Variants in UTP20 observed in about 807,000 individuals in gnomAD.
UTP20 encodes the protein small subunit processome component 20 homolog.
In UTP20, 164 loss-of-function variants were observed where a neutral mutation model predicts 329.5. The observed-to-expected ratio is 0.50, with a 90% CI of 0.44 to 0.57. The LOEUF is 0.57. Among genes scored for constraint, UTP20 ranks in the 20% least tolerant of loss-of-function variants. UTP20 has a pLI of 0.00. For missense variants in UTP20, 3,055 were observed against 3,284.2 expected (o/e 0.93, Z 1.71); for synonymous variants, 1,151 against 1,159.3 (o/e 0.99, Z 0.14).
intron 22 of UTP20, among the ~76,000 whole-genome samples, chr12:101,319,015 C>T (rs1393968806): frequency 2.0e-5 from 3 of 152,144 alleles, no homozygotes; most frequent in Non-Finnish European, 2.9e-5. Context: ...TCCATGGTTT[C>T]ACTTCCCACG....
In UTP20 at chr12:101,327,157, A is replaced by G. The variant is rs539567687; in HGVS notation, c.3118A>G (p.Ile1040Val). 46 of 1,613,290 alleles carry G rather than the reference A, an allele frequency of 2.9e-5. No homozygotes were observed. Among genetic ancestry groups the G allele is most frequent in the Non-Finnish European group, 3.6e-5 (43 of 1,179,254 alleles). The change falls in exon 26 of 62, where the codon ATT (isoleucine) becomes GTT (valine). Residue 1040 changes from isoleucine to valine, a missense_variant. Around this residue, in one of 3 missense-constraint regions of UTP20, gnomAD observed 2,445 missense variants for 2,575.5 expected, o/e 0.95. Coordinates refer to ENST00000261637, the MANE Select transcript of UTP20 (RefSeq NM_014503.3). ...ATCTGCTTCAGGCACCCGCATGGCC[A>G]TTGTCCTGCGGTTCCTGGCCGGGAC... ...GKSASGTRMA[I>V]VLRFLAGTQP...
rs1452543567 is a variant in UTP20 at position 101,374,183 on chromosome 12, C to G, written c.7131+416C>G. The stretch of plus-strand genomic sequence containing the variant: ...CCGGGAGGCGGAGCTTGCAGTGAGC[C>G]GAGGTCCCGCCACTGCACTCCAGCC... On this transcript the variant is annotated intron_variant, in intron 54 of 61. Coordinates refer to ENST00000261637, the MANE Select transcript of UTP20 (RefSeq NM_014503.3). 7.3e-5 allele frequency among the ~76,000 whole-genome samples: 11 copies of G among 149,820 alleles called. No individual in the cohort carries two copies. In the South Asian group the frequency reaches 2.3e-3, roughly 32 times the overall value.
At chr12:101,286,002 T>C (rs1370196369) in intron 4 of UTP20, 121 bp downstream of exon 4, 2 of 1,402,734 alleles carry the variant, frequency 1.4e-6, no homozygotes, top group Middle Eastern at 1.9e-4. Context: ...AGGAGGATTT[T>C]CCTTTTCTGT....
chr12:101,281,830 G>A (rs186494807), intron 2 of UTP20, among the ~76,000 whole-genome samples: 190 of 152,032 alleles, frequency 1.2e-3, no homozygotes, highest in African/African-American at 4.2e-3. Context: ...TCAGCCTCCC[G>A]AGTAGCTGGG....
intron 38 of UTP20, 62 bp from the exon 39 acceptor site, chr12:101,351,993 T>C: frequency 6.3e-7 from 1 of 1,583,904 alleles, no homozygotes; most frequent in Non-Finnish European, 8.6e-7. Flanking sequence ...ATATACTGAG[T>C]TAGCCTTGCA....
In UTP20 at chr12:101,346,452, T is replaced by C. The variant is rs765373209; in HGVS notation, c.4748T>C (p.Ile1583Thr). 4.3e-5 allele frequency: 68 copies of C among 1,594,964 alleles called. No homozygotes were observed. Among genetic ancestry groups the C allele is most frequent in the Non-Finnish European group, 5.6e-5 (66 of 1,173,950 alleles). The change falls in exon 38 of 62, where the codon ATC becomes ACC. Residue 1583 changes from isoleucine to threonine, a missense_variant and splice_region_variant. Ile to Thr is a moderately conservative substitution (Grantham distance 89). This residue lies in a region of UTP20 where 2,445 missense variants were observed against 2,575.5 expected (regional missense o/e 0.95). Coordinates refer to ENST00000261637, the MANE Select transcript of UTP20 (RefSeq NM_014503.3). ...ATTCATATTTTATCTTACCCATAGATCCACAGAAGAGCAAGAGCCTTGAAG... is the reference window on the plus strand; with the variant it reads ...ATTCATATTTTATCTTACCCATAGACCCACAGAAGAGCAAGAGCCTTGAAG... ...DFFENMKHIQIHRRARALKKL... is the reference protein window; with the variant it reads ...DFFENMKHIQTHRRARALKKL...
rs1275538070 is a variant in UTP20, at chr12:101,357,000, C to T, written c.5609C>T (p.Ala1870Val). The T allele has an allele frequency of 7.4e-6, 12 of 1,613,962 alleles. No individual in the cohort carries two copies. The highest frequency in any genetic ancestry group is 6.7e-5 in the East Asian group (3 of 44,864). The part of the protein sequence containing the change: ...EIRDIARSTL[A>V]KIIEDLGVHF... ...AGAGACATTGCACGCAGCACTCTTG[C>T]GAAAATAATAGAGGATCTTGGTGTG... The change falls in exon 43 of 62, where the codon GCG becomes GTG. Residue 1870 changes from alanine (A) to valine (V), a missense_variant. Around this residue, in one of 3 missense-constraint regions of UTP20, gnomAD observed 2,445 missense variants for 2,575.5 expected, o/e 0.95. Transcript: ENST00000261637.
intron 1 of UTP20, among the ~76,000 whole-genome samples, chr12:101,280,813 T>C (rs191341121): frequency 6.6e-6 from 1 of 152,278 alleles, no homozygotes; most frequent in East Asian, 1.9e-4. Flanking sequence ...TCCCCATGCT[T>C]ATGGGAGGGT....
intron 14 of UTP20, 49 bp downstream of exon 14, chr12:101,300,110 C>G (rs751957164): frequency 6.5e-7 from 1 of 1,543,304 alleles, no homozygotes; most frequent in Admixed American, 1.7e-5. Flanking sequence ...CTGGCACACT[C>G]AAAGTAATTG....
In UTP20 at chr12:101,357,001, G is replaced by A. The variant is rs145450532; in HGVS notation, c.5610G>A (p.Ala1870=). ...EIRDIARSTL[A]KIIEDLGVHF... ...GAGACATTGCACGCAGCACTCTTGC[G>A]AAAATAATAGAGGATCTTGGTGTGC... Residue 1870 remains alanine (A), a synonymous_variant, in exon 43 of 62, where the codon GCG becomes GCA. Coordinates refer to ENST00000261637, the MANE Select transcript of UTP20 (RefSeq NM_014503.3). The A allele has an allele frequency of 3.6e-5, 58 of 1,614,052 alleles. No homozygotes were observed. In the African/African-American group the frequency reaches 5.6e-4, roughly 16 times the overall value.
Position 101,342,814 on chromosome 12 carries a change from A to G in UTP20, c.4273A>G (p.Lys1425Glu), listed in dbSNP as rs1381379174. ...TCTTTCTGATTTTGAGAGTGGGTTA[A>G]AATATATTACTGATGTTGTCAAGGT... ...ETLSDFESGL[K>E]YITDVVKLNA... The change falls in exon 34 of 62, where the codon AAA (lysine) becomes GAA (glutamate). Residue 1425 changes from lysine (K) to glutamate (E), a missense_variant. Physicochemically the swap from Lys to Glu is moderately conservative, Grantham distance 56. This residue lies in a region of UTP20 where 2,445 missense variants were observed against 2,575.5 expected (regional missense o/e 0.95). Coordinates refer to ENST00000261637, the MANE Select transcript of UTP20 (RefSeq NM_014503.3). 1 of 1,613,496 alleles carries G rather than the reference A, an allele frequency of 6.2e-7. No homozygotes were observed.
In UTP20 at chr12:101,366,537, CT is replaced by C. The variant is rs1368726374; in HGVS notation, c.6126-20del. The C allele has an allele frequency of 2.5e-6, 4 of 1,605,090 alleles. No homozygotes were observed. Among genetic ancestry groups the C allele is most frequent in the Admixed American group, 1.7e-5 (1 of 58,008 alleles). On this transcript the variant is annotated intron_variant, in intron 46 of 61. Coordinates refer to ENST00000261637, the MANE Select transcript of UTP20 (RefSeq NM_014503.3). ...AGCTGACAGTGTTCTTTACCCTCTTCTCATGCCACGTGATTGACAGAAATCC... is the reference window on the plus strand; with the variant it reads ...AGCTGACAGTGTTCTTTACCCTCTTCCATGCCACGTGATTGACAGAAATCC...
intron 43 of UTP20, among the ~76,000 whole-genome samples, 153 bp from the exon 44 acceptor site, chr12:101,361,809 T>A (rs1869930701): frequency 6.6e-6 from 1 of 152,186 alleles, no homozygotes; most frequent in Admixed American, 6.5e-5. Context: ...GGATTTTAGA[T>A]AGTGAAATAA....
intron 41 of UTP20, among the ~76,000 whole-genome samples, 185 bp from the exon 42 acceptor site, chr12:101,356,369 G>T (rs540084729): frequency 1.3e-5 from 2 of 152,242 alleles, no homozygotes; most frequent in Non-Finnish European, 2.9e-5. Context: ...CAGGTGATCC[G>T]CCCACCTTGG....
At chr12:101,333,850 G>A (rs1196117761) in intron 28 of UTP20, among the ~76,000 whole-genome samples, 1 of 152,204 alleles carries the variant, frequency 6.6e-6, no homozygotes, top group African/African-American at 2.4e-5. Flanking sequence ...TTTTAGTAGA[G>A]ATGGAGTTTC....
At chr12:101,361,600 T>C (rs1041061639) in intron 43 of UTP20, among the ~76,000 whole-genome samples, 2 of 151,750 alleles carry the variant, frequency 1.3e-5, no homozygotes, top group African/African-American at 4.8e-5. Context: ...CACTCCAGCC[T>C]GCGCTACAAG....
chr12:101,280,436 C>A, intron 1 of UTP20, 109 bp downstream of exon 1: 1 of 1,375,144 alleles, frequency 7.3e-7, no homozygotes, highest in Non-Finnish European at 1.0e-6. Context: ...GAGTGTGTCA[C>A]TTTCCTGGAG....
In UTP20 at chr12:101,373,460, C is replaced by T. The variant is rs771517719; in HGVS notation, c.6938C>T (p.Thr2313Met). ...GAAATGATCGCCTATCTCTTTGACACGTTCCCTCAGGTACTGTGACCCCAG... is the reference window on the plus strand; with the variant it reads ...GAAATGATCGCCTATCTCTTTGACATGTTCCCTCAGGTACTGTGACCCCAG... ...TLEMIAYLFD[T>M]FPQGLLHENC... The change falls in exon 53 of 62, where the codon ACG becomes ATG. Residue 2313 changes from threonine to methionine, a missense_variant. Transcript: ENST00000261637. 1.1e-5 allele frequency: 17 copies of T among 1,614,058 alleles called. No homozygotes were observed. Among genetic ancestry groups the T allele is most frequent in the South Asian group, 4.4e-5 (4 of 91,088 alleles).
chr12:101,314,178 G>C (rs1392120851), intron 21 of UTP20, among the ~76,000 whole-genome samples: 3 of 152,172 alleles, frequency 2.0e-5, no homozygotes, highest in Non-Finnish European at 2.9e-5. Context: ...AAGACCACTT[G>C]CTATCCTGGA....
Sources: gnomAD v4.1 joint callset for allele counts (sites outside exome capture counted in the v4.1 genomes callset) on GRCh38, gnomAD v4.1.1 for gene constraint, gnomAD v4.1.1 regional missense constraint, MANE v1.5 for transcripts, NCBI Gene and HGNC (gene_info 2026-07-23, HGNC 2026-07-21) for gene names.